CCDC88C: variants seen among roughly 807,000 people sequenced by gnomAD.
The protein encoded by CCDC88C is coiled-coil and HOOK domain protein 88C.
In CCDC88C, 131 loss-of-function variants were observed where a neutral mutation model predicts 198.8. The observed-to-expected ratio is 0.66, with a 90% CI of 0.57 to 0.76. The LOEUF is 0.76. Among genes scored for constraint, CCDC88C ranks in the 30% least tolerant of loss-of-function variants. CCDC88C has a pLI of 0.00. For missense variants in CCDC88C, 2,553 were observed against 2,631.6 expected (o/e 0.97, Z 0.65); for synonymous variants, 1,166 against 1,114.7 (o/e 1.05, Z -0.92).
chr14:91,405,786 GA>G (rs941260806), intron 3 of CCDC88C, among the ~76,000 whole-genome samples: 11 of 151,946 alleles, frequency 7.2e-5, no homozygotes, highest in Admixed American at 3.3e-4. Context: ...AAATTGGAAG[GA>G]AAAAAAACAC....
chr14:91,388,937 CGT>C (rs1156364552), intron 3 of CCDC88C, among the ~76,000 whole-genome samples: 1 of 152,134 alleles, frequency 6.6e-6, no homozygotes, highest in Non-Finnish European at 1.5e-5. Context: ...CAGGATGGTG[CGT>C]GAGTCTCTGT....
chr14:91,379,893 C>G (rs1884679320), intron 3 of CCDC88C: 4 of 702,896 alleles, frequency 5.7e-6, no homozygotes, highest in African/African-American at 5.2e-5. Flanking sequence ...ATCCTGAAAA[C>G]AGGATGAGAA....
In CCDC88C at chr14:91,331,198, C is replaced by T. The variant is rs147181797; in HGVS notation, c.1051-5142G>A. Among the ~76,000 whole-genome samples, 375 of 152,220 alleles carry T rather than the reference C, an allele frequency of 2.5e-3. 4 individuals carry two copies. The highest frequency in any genetic ancestry group is 8.5e-3 in the African/African-American group (353 of 41,518). On this transcript the variant is annotated intron_variant, in intron 10 of 29. Coordinates refer to ENST00000389857, the MANE Select transcript of CCDC88C (RefSeq NM_001080414.4). ...CTGACACTGCTTTCACACAGGTCTG[C>T]CTTTGAGCCCAGGGAGAGGCAGCTG...
Position 91,318,686 on chromosome 14 carries a change from C to T in CCDC88C, c.1527+2434G>A, listed in dbSNP as rs549490630. ...CTGGGTGCAGTGGCTCACATTGGGA[C>T]GCTGAGGTGGGCAGATCACCTGAAG... is the stretch of plus-strand genomic sequence containing the variant. On this transcript the variant is annotated intron_variant, in intron 13 of 29. Coordinates refer to ENST00000389857, the MANE Select transcript of CCDC88C (RefSeq NM_001080414.4). 1.3e-3 allele frequency among the ~76,000 whole-genome samples: 194 copies of T among 152,090 alleles called. 1 individual carries two copies. The highest frequency in any genetic ancestry group is 3.2e-3 in the Admixed American group (49 of 15,268).
chr14:91,355,311 C>A (rs988062579), intron 4 of CCDC88C, among the ~76,000 whole-genome samples: 3 of 152,118 alleles, frequency 2.0e-5, no homozygotes, highest in African/African-American at 7.2e-5. Context: ...GGAAACAAGG[C>A]GAAGGACGCT....
chr14:91,314,186 T>C (rs1298437956), intron 14 of CCDC88C, 36 bp from the exon 15 acceptor site: 9 of 1,529,014 alleles, frequency 5.9e-6, no homozygotes, highest in Non-Finnish European at 8.0e-6. Context: ...CCCAGGCTGC[T>C]GCAGGAACCT....
At chr14:91,378,093 T>C (rs1884561253) in intron 3 of CCDC88C, among the ~76,000 whole-genome samples, 1 of 152,194 alleles carries the variant, frequency 6.6e-6, no homozygotes, top group Admixed American at 6.5e-5. Context: ...TACCAGCTCA[T>C]TAAAAGACAC....
At chr14:91,372,242 G>A (rs187804334) in intron 3 of CCDC88C, among the ~76,000 whole-genome samples, 6 of 152,184 alleles carry the variant, frequency 3.9e-5, no homozygotes, top group Admixed American at 3.3e-4. Context: ...CTCAAAGCCA[G>A]GAAACAAAGA....
intron 10 of CCDC88C, among the ~76,000 whole-genome samples, chr14:91,329,469 G>T (rs1396661724): frequency 6.6e-6 from 1 of 152,290 alleles, no homozygotes. Flanking sequence ...CTCTGAGACA[G>T]TGGCAGCCCC....
rs751632810 is a variant in CCDC88C at position 91,359,667 on chromosome 14, C to T, written c.315G>A (p.Leu105=). Residue 105 remains leucine (L), a synonymous_variant, in exon 4 of 30, where the codon TTG becomes TTA. Transcript: ENST00000389857. ...CAGACAGTGGGTCTCTGCCAATCAT[C>T]AAAACATTGGGCAAATTCATTACAA... ...QLIVMNLPNV[L]MIGRDPLSGK... is the part of the protein sequence containing the mutation. 6 of 1,609,440 alleles carry T rather than the reference C, an allele frequency of 3.7e-6. No homozygotes were observed. In the East Asian group the frequency reaches 1.1e-4, roughly 30 times the overall value.
chr14:91,361,197 C>A (rs8008037), intron 3 of CCDC88C, among the ~76,000 whole-genome samples: 46,180 of 151,510 alleles, frequency 0.3, 7,228 homozygotes, highest in Non-Finnish European at 0.34. Flanking sequence ...AACTATTCTA[C>A]AAGTGGCCAC....
At chr14:91,290,431 T>C (rs1890610927) in intron 24 of CCDC88C, among the ~76,000 whole-genome samples, 1 of 152,178 alleles carries the variant, frequency 6.6e-6, no homozygotes, top group Non-Finnish European at 1.5e-5. Flanking sequence ...AAGGGACAAT[T>C]CCTGGGGCTC....
intron 26 of CCDC88C, among the ~76,000 whole-genome samples, chr14:91,281,820 T>C (rs1281982291): frequency 1.3e-5 from 2 of 152,164 alleles, no homozygotes; most frequent in African/African-American, 2.4e-5. Context: ...TAAAAAGAGC[T>C]GAATATTGAG....
chr14:91,350,592 ACT>A (rs2139884756), intron 4 of CCDC88C, among the ~76,000 whole-genome samples: 1 of 152,160 alleles, frequency 6.6e-6, no homozygotes, highest in South Asian at 2.1e-4. Flanking sequence ...CAAACTGCAC[ACT>A]CTCTGCCCTT....
At chr14:91,285,470 G>T (rs1890365252) in intron 25 of CCDC88C, 3 of 467,770 alleles carry the variant, frequency 6.4e-6, no homozygotes, top group South Asian at 3.2e-5. Context: ...TTGTGCTGAA[G>T]AAATGGTCCA....
intron 19 of CCDC88C, among the ~76,000 whole-genome samples, chr14:91,304,216 G>A (rs1035883664): frequency 2.0e-5 from 3 of 152,246 alleles, no homozygotes; most frequent in African/African-American, 7.2e-5. Flanking sequence ...ACAAATGTGA[G>A]CTGCTGGGGC....
At position 91,408,698 on chromosome 14, in the gene CCDC88C, A is replaced by G. The variant is rs538529569; in HGVS notation, c.231T>C (p.Asn77=). Residue 77 remains asparagine (N), a synonymous_variant, in exon 3 of 30, where the codon AAT becomes AAC. Coordinates refer to ENST00000389857, the MANE Select transcript of CCDC88C (RefSeq NM_001080414.4). ...VNNDVNLRIQ[N]LTILVRNIKT... is the part of the protein sequence containing the mutation. ...TAATGTTTCTCACCAAGATGGTCAA[A>G]TTCTGAATGCGAAGGTTCACATCAT... The G allele has an allele frequency of 1.2e-4, 200 of 1,613,814 alleles. 4 individuals are homozygous for G. The South Asian group carries it at 2.1e-3, about 17-fold the overall frequency.
chr14:91,365,493 C>T (rs955877374), intron 3 of CCDC88C, among the ~76,000 whole-genome samples: 4 of 152,208 alleles, frequency 2.6e-5, no homozygotes, highest in African/African-American at 9.6e-5. Context: ...CAGGCCGCCT[C>T]ATTCCTTTTC....
In CCDC88C at chr14:91,338,381, T is replaced by C; in HGVS notation, c.891+108A>G. On this transcript the variant is annotated intron_variant, in intron 9 of 29. Coordinates refer to ENST00000389857, the MANE Select transcript of CCDC88C (RefSeq NM_001080414.4). The surrounding 1 kb of genome is among the most constrained non-coding windows in gnomAD (Gnocchi z 4.8). ...AGCCGTGCTCAGGACAAGTGGCTCTTGTGTGGCTTAAAAGCGCTGCTGTTG... is the reference window on the plus strand; with the variant it reads ...AGCCGTGCTCAGGACAAGTGGCTCTCGTGTGGCTTAAAAGCGCTGCTGTTG... 1 of 1,071,950 alleles carries C rather than the reference T, an allele frequency of 9.3e-7. No homozygotes were observed. The highest frequency in any genetic ancestry group is 1.4e-6 in the Non-Finnish European group (1 of 718,324). The allele number at this position is 1,071,950 out of a possible 1,614,324, so 66.4% of individuals were successfully genotyped here. A position where few individuals can be genotyped will look rare whatever the true frequency, so the allele number is the denominator to read the frequency against.
Sources: gnomAD v4.1 joint callset for allele counts (sites outside exome capture counted in the v4.1 genomes callset) on GRCh38, gnomAD v4.1.1 for gene constraint, Gnocchi (gnomAD v3.1) non-coding constraint, MANE v1.5 for transcripts, NCBI Gene and HGNC (gene_info 2026-07-23, HGNC 2026-07-21) for gene names.